Variants in ATP2B2 observed in about 807,000 individuals in gnomAD.
ATP2B2 encodes the protein plasma membrane calcium-transporting ATPase 2.
Under a neutral mutation model 120.0 loss-of-function variants are expected in ATP2B2, and 15 were observed. The observed-to-expected ratio is 0.12, with a 90% CI of 0.08 to 0.19. The LOEUF (loss-of-function observed/expected upper bound fraction) is 0.19. Ranked by LOEUF, ATP2B2 falls within the 10% of genes least tolerant of loss-of-function variation. The pLI is 1.00. For synonymous variants in ATP2B2, 694 were observed against 700.3 expected (o/e 0.99, Z 0.14); for missense variants, 1,045 against 1,719.8 (o/e 0.61, Z 6.94).
chr3:10,371,664 A>C, intron 12 of ATP2B2, 145 bp downstream of exon 12: 2 of 1,252,782 alleles, frequency 1.6e-6, no homozygotes, highest in South Asian at 1.3e-5. Flanking sequence ...TAACTCAAAC[A>C]GAAACATGTT....
chr3:10,606,894 C>CAT (rs1359247066), intron 2 of ATP2B2, among the ~76,000 whole-genome samples: 7 of 26,524 alleles, frequency 2.6e-4, no homozygotes, highest in Non-Finnish European at 5.6e-4. Context: ...CACACACACA[C>CAT]ACACACACAC....
intron 2 of ATP2B2, among the ~76,000 whole-genome samples, chr3:10,415,058 G>A (rs973602818): frequency 6.6e-6 from 1 of 152,170 alleles, no homozygotes; most frequent in Non-Finnish European, 1.5e-5. Context: ...CAGCCAAGCC[G>A]GAGCTGAGGA....
At chr3:10,426,599 G>C (rs2063152275) in intron 2 of ATP2B2, among the ~76,000 whole-genome samples, 1 of 152,200 alleles carries the variant, frequency 6.6e-6, no homozygotes, top group South Asian at 2.1e-4. Context: ...GGCCACAGAA[G>C]GACTTGGGGA....
chr3:10,375,306 G>T lies in ATP2B2; in HGVS notation c.1416+124C>A. ...GGTCCTGCATACATTCTTCTTCCAA[G>T]CTCCTAGGGGGTCTATGGGGCTTCT... is the stretch of plus-strand genomic sequence containing the variant. On this transcript the variant is annotated intron_variant, in intron 11 of 22. Coordinates refer to ENST00000360273, the MANE Select transcript of ATP2B2 (RefSeq NM_001001331.4). The surrounding 1 kb of genome is among the most constrained non-coding windows in gnomAD (Gnocchi z 4.2). 1.3e-6 allele frequency: 1 copy of T among 797,254 alleles called. No individual in the cohort carries two copies. 49.4% of individuals were successfully genotyped at this position (797,254 alleles called of 1,614,324 possible). A position where few individuals can be genotyped will look rare whatever the true frequency, so the allele number is the denominator to read the frequency against.
At chr3:10,410,578 AGGTGTGCG>A in intron 3 of ATP2B2, 32 bp downstream of exon 3, 1 of 1,556,078 alleles carries the variant, frequency 6.4e-7, no homozygotes, top group Non-Finnish European at 8.7e-7. Context: ...TGCGGTGGCC[AGGTGTGCG>A]GGGCGGTTCG....
chr3:10,342,714 C>A lies in ATP2B2; in HGVS notation c.2917+38G>T, dbSNP rs777617607. ...CCATGGTGCACCCAGAAGGTGATGA[C>A]CCCGCCTGGGAGAGGCGTGGGTGGG... On this transcript the variant is annotated intron_variant, in intron 19 of 22. Transcript: ENST00000360273. The surrounding 1 kb of genome is among the most constrained non-coding windows in gnomAD (Gnocchi z 4.4). 1.2e-6 allele frequency: 2 copies of A among 1,609,704 alleles called. No individual in the cohort carries two copies. Among genetic ancestry groups the A allele is most frequent in the Non-Finnish European group, 8.5e-7 (1 of 1,176,582 alleles).
chr3:10,546,137 T>C (rs924045019), intron 2 of ATP2B2, among the ~76,000 whole-genome samples: 2 of 152,220 alleles, frequency 1.3e-5, no homozygotes, highest in African/African-American at 2.4e-5. Context: ...CACAGGCACA[T>C]GCATGCCGGA....
chr3:10,635,378 C>T lies in ATP2B2; in HGVS notation c.-459-15417G>A, dbSNP rs1269570460. On this transcript the variant is annotated intron_variant, in intron 1 of 21. Transcript: ENST00000646379. The surrounding 1 kb of genome is among the most constrained non-coding windows in gnomAD (Gnocchi z 4.3). ...CACCCCAAGTAATCAGAAAACAGCTCTAAAAGCCTCCTGCATTTCCCTTCC... is the reference window on the plus strand; with the variant it reads ...CACCCCAAGTAATCAGAAAACAGCTTTAAAAGCCTCCTGCATTTCCCTTCC... Among the ~76,000 whole-genome samples the T allele has an allele frequency of 6.6e-6, 1 of 152,132 alleles. No homozygotes were observed. Among genetic ancestry groups the T allele is most frequent in the Non-Finnish European group, 1.5e-5 (1 of 68,038 alleles).
intron 12 of ATP2B2, among the ~76,000 whole-genome samples, chr3:10,363,774 T>C (rs1181073008): frequency 7.9e-5 from 12 of 152,170 alleles, no homozygotes. Context: ...TGTGCACTAT[T>C]GGTGGGAATC....
intron 8 of ATP2B2, 139 bp downstream of exon 8, chr3:10,385,129 G>T: frequency 1.2e-6 from 1 of 857,314 alleles, no homozygotes; most frequent in Non-Finnish European, 1.9e-6. Context: ...CCTGCCCCAT[G>T]TGAGAAGGTG....
chr3:10,536,680 C>T (rs1197314897), intron 2 of ATP2B2, among the ~76,000 whole-genome samples: 1 of 152,112 alleles, frequency 6.6e-6, no homozygotes, highest in Non-Finnish European at 1.5e-5. Context: ...GTGTGCACCA[C>T]TATGCCCAGC....
intron 1 of ATP2B2, among the ~76,000 whole-genome samples, chr3:10,628,075 G>T (rs11128520): frequency 3.9e-5 from 6 of 151,948 alleles, no homozygotes; most frequent in Non-Finnish European, 8.8e-5. Flanking sequence ...GGCACATTCC[G>T]GGACCAGCAG....
chr3:10,351,025 GT>G (rs1486336730), intron 14 of ATP2B2, among the ~76,000 whole-genome samples: 1 of 152,182 alleles, frequency 6.6e-6, no homozygotes, highest in African/African-American at 2.4e-5. Context: ...TGTATTTTCA[GT>G]TTCTTGGGGG....
chr3:10,695,834 T>C (rs2071734281), intron 1 of ATP2B2, among the ~76,000 whole-genome samples: 1 of 152,196 alleles, frequency 6.6e-6, no homozygotes, highest in Non-Finnish European at 1.5e-5. Context: ...TTGCTAATAG[T>C]GATACAGCAG....
At chr3:10,687,387 TG>T (rs1259465765) in intron 1 of ATP2B2, among the ~76,000 whole-genome samples, 1 of 152,220 alleles carries the variant, frequency 6.6e-6, no homozygotes, top group African/African-American at 2.4e-5. Context: ...GGAATGTTTT[TG>T]ATGCTTGATT....
At chr3:10,646,904 C>A (rs560890873) in intron 1 of ATP2B2, among the ~76,000 whole-genome samples, 1 of 152,218 alleles carries the variant, frequency 6.6e-6, no homozygotes, top group African/African-American at 2.4e-5. Flanking sequence ...GAGGAGACAA[C>A]ATGTGGGGCG....
chr3:10,372,126 G>C, intron 11 of ATP2B2, 75 bp from the exon 12 acceptor site: 1 of 1,598,474 alleles, frequency 6.3e-7, no homozygotes, highest in Non-Finnish European at 8.6e-7. Context: ...GAGGCACTGG[G>C]TAAACATGCA....
At chr3:10,501,084 A>G (rs914583980) in intron 1 of ATP2B2, among the ~76,000 whole-genome samples, 1 of 152,000 alleles carries the variant, frequency 6.6e-6, no homozygotes, top group Non-Finnish European at 1.5e-5. Flanking sequence ...ATACCCAGGG[A>G]CCTCTGTTTC....
chr3:10,650,708 G>T (rs1430741432), intron 1 of ATP2B2, among the ~76,000 whole-genome samples: 1 of 152,186 alleles, frequency 6.6e-6, no homozygotes, highest in East Asian at 1.9e-4. Context: ...GCTCTGTGCA[G>T]CTGTCAGAAG....
Sources: gnomAD v4.1 joint callset for allele counts (sites outside exome capture counted in the v4.1 genomes callset) on GRCh38, gnomAD v4.1.1 for gene constraint, Gnocchi (gnomAD v3.1) non-coding constraint, MANE v1.5 for transcripts, NCBI Gene and HGNC (gene_info 2026-07-23, HGNC 2026-07-21) for gene names.